The following CSMD1 variants were observed in gnomAD, a reference collection of about 807,000 sequenced individuals.
CSMD1 encodes CUB and Sushi multiple domains 1.
In CSMD1, 213 loss-of-function variants were observed where a neutral mutation model predicts 417.5. That is an observed-to-expected ratio of 0.51 (90% confidence interval 0.46 to 0.57). The LOEUF is 0.57. Ranked by LOEUF, CSMD1 falls within the 20% of genes least tolerant of loss-of-function variation. The pLI is 0.00. For missense variants in CSMD1, 6,923 were observed against 4,529.7 expected (o/e 1.53, Z -15.17); for synonymous variants, 2,862 against 1,736.8 (o/e 1.65, Z -16.11).
chr8:3,607,273 G>A (rs146375171), intron 8 of CSMD1, among the ~76,000 whole-genome samples: 4 of 152,226 alleles, frequency 2.6e-5, no homozygotes, highest in East Asian at 1.9e-4. Flanking sequence ...GTCTTCAGGG[G>A]CAAGGACACA....
chr8:4,112,632 G>C (rs1313988886), intron 3 of CSMD1, among the ~76,000 whole-genome samples: 4 of 152,126 alleles, frequency 2.6e-5, no homozygotes, highest in Non-Finnish European at 2.9e-5. Context: ...GCAGGGACCT[G>C]TCCAAAGGGG....
intron 3 of CSMD1, among the ~76,000 whole-genome samples, chr8:4,264,317 T>C (rs770831000): frequency 1.2e-4 from 19 of 152,148 alleles, no homozygotes; most frequent in Non-Finnish European, 2.2e-4. Context: ...AAGCATGACA[T>C]TCAATTTTCA....
chr8:3,403,770 T>C (rs545535025), intron 15 of CSMD1, among the ~76,000 whole-genome samples: 181 of 152,324 alleles, frequency 1.2e-3, no homozygotes, highest in African/African-American at 4.1e-3. Context: ...TGACTAACTG[T>C]GCCCTATCAT....
chr8:3,273,415 A>G (rs369605990), intron 26 of CSMD1, among the ~76,000 whole-genome samples: 98 of 152,194 alleles, frequency 6.4e-4, no homozygotes, highest in Non-Finnish European at 1.2e-3. Context: ...TGTCTCTGCC[A>G]GGCTTTGGTA....
At chr8:3,500,909 G>C (rs1004037237) in intron 10 of CSMD1, among the ~76,000 whole-genome samples, 6 of 152,180 alleles carry the variant, frequency 3.9e-5, no homozygotes, top group African/African-American at 1.4e-4. Context: ...ATGTGTCAGA[G>C]AGGATTTTTT....
At chr8:4,610,787 G>A (rs971325652) in intron 2 of CSMD1, among the ~76,000 whole-genome samples, 3 of 152,122 alleles carry the variant, frequency 2.0e-5, no homozygotes, top group Admixed American at 2.0e-4. Flanking sequence ...GGTTGATATT[G>A]CCTTTCACAA....
At chr8:3,747,375 T>A (rs1000202606) in intron 6 of CSMD1, among the ~76,000 whole-genome samples, 1 of 124,706 alleles carries the variant, frequency 8.0e-6, no homozygotes, top group South Asian at 2.6e-4. Flanking sequence ...CTGATCATCT[T>A]TGAAAACACT....
At chr8:3,515,601 A>T (rs1338718451) in intron 10 of CSMD1, among the ~76,000 whole-genome samples, 1 of 152,230 alleles carries the variant, frequency 6.6e-6, no homozygotes, top group Non-Finnish European at 1.5e-5. Flanking sequence ...CCAACAGAAA[A>T]CTTATTACTG....
At chr8:3,298,842 C>G (rs976163633) in intron 25 of CSMD1, among the ~76,000 whole-genome samples, 11 of 152,198 alleles carry the variant, frequency 7.2e-5, no homozygotes, top group Non-Finnish European at 1.5e-4. Context: ...TTGAATAGAG[C>G]TCAAAGGTCT....
chr8:3,995,268 T>G (rs1815114562), intron 5 of CSMD1, among the ~76,000 whole-genome samples: 1 of 152,222 alleles, frequency 6.6e-6, no homozygotes, highest in Non-Finnish European at 1.5e-5. Context: ...CTTTTCAGCC[T>G]CCACTGAAGA....
chr8:3,266,604 C>CAAAAAAAAAAAAAAAA (rs60439183), intron 26 of CSMD1, among the ~76,000 whole-genome samples: 1 of 25,500 alleles, frequency 3.9e-5, no homozygotes, highest in African/African-American at 1.9e-4. Flanking sequence ...GACTCCCTCT[C>CAAAAAAAAAAAAAAAA]AAAAAAAAAA....
chr8:4,051,838 T>C (rs1040708128), intron 3 of CSMD1, among the ~76,000 whole-genome samples: 1 of 145,346 alleles, frequency 6.9e-6, no homozygotes, highest in African/African-American at 2.5e-5. Context: ...TCTCTTTCTT[T>C]TCTTTCTTTT....
chr8:3,418,062 G>A (rs940657062), intron 12 of CSMD1, among the ~76,000 whole-genome samples: 3 of 152,176 alleles, frequency 2.0e-5, no homozygotes, highest in African/African-American at 7.2e-5. Flanking sequence ...TAATTATGGT[G>A]CTCAGGGAAA....
In CSMD1 at chr8:4,709,604, G is replaced by T. The variant is rs370039539; in HGVS notation, c.86-72046C>A. 7.9e-5 allele frequency among the ~76,000 whole-genome samples: 12 copies of T among 152,308 alleles called. No individual in the cohort carries two copies. In the South Asian group the frequency reaches 2.5e-3, roughly 32 times the overall value. Reference sequence around the variant, plus strand: ...TTCAATTTGCAGAAGCTGTCCAAAGGCAAGAAACAAATATAAAACTGGCCA... The same window carrying T: ...TTCAATTTGCAGAAGCTGTCCAAAGTCAAGAAACAAATATAAAACTGGCCA... On this transcript the variant is annotated intron_variant, in intron 1 of 69. Transcript: ENST00000635120.
chr8:4,356,256 T>C (rs1310729943), intron 3 of CSMD1, among the ~76,000 whole-genome samples: 3 of 152,134 alleles, frequency 2.0e-5, no homozygotes, highest in Non-Finnish European at 4.4e-5. Flanking sequence ...GTCTCCAATC[T>C]CATCCCGGTC....
At chr8:4,860,450 T>C (rs1301976911) in intron 1 of CSMD1, among the ~76,000 whole-genome samples, 1 of 151,962 alleles carries the variant, frequency 6.6e-6, no homozygotes, top group African/African-American at 2.4e-5. Context: ...CCTTGCTCTC[T>C]TGGCCCTGCT....
At chr8:3,975,688 G>A (rs563932020) in intron 5 of CSMD1, among the ~76,000 whole-genome samples, 2 of 152,176 alleles carry the variant, frequency 1.3e-5, no homozygotes, top group Admixed American at 6.5e-5. Context: ...GGAGATGATG[G>A]ATTTAAAAGC....
intron 8 of CSMD1, among the ~76,000 whole-genome samples, chr8:3,607,377 G>A (rs1264573868): frequency 6.6e-6 from 1 of 152,160 alleles, no homozygotes; most frequent in Non-Finnish European, 1.5e-5. Context: ...TAACTTTTGT[G>A]TTTTTTATAA....
At chr8:4,202,258 G>C (rs190773309) in intron 3 of CSMD1, among the ~76,000 whole-genome samples, 4 of 152,208 alleles carry the variant, frequency 2.6e-5, no homozygotes, top group Admixed American at 6.5e-5. Context: ...ATTCAGTTAA[G>C]ATTTTATTCA....
Sources: gnomAD v4.1 joint callset for allele counts (sites outside exome capture counted in the v4.1 genomes callset) on GRCh38, gnomAD v4.1.1 for gene constraint, MANE v1.5 for transcripts, NCBI Gene and HGNC (gene_info 2026-07-23, HGNC 2026-07-21) for gene names.